Variants in MNAT1 observed in about 807,000 individuals in gnomAD.
The protein encoded by MNAT1 is CDK-activating kinase assembly factor MAT1.
In MNAT1, 43 loss-of-function variants were observed where a neutral mutation model predicts 42.0. The observed-to-expected ratio is 1.02, with a 90% CI of 0.80 to 1.32. MNAT1 has a LOEUF of 1.32. Ranked by LOEUF, MNAT1 falls within the 40% of genes most tolerant of loss-of-function variation. The probability of loss-of-function intolerance (pLI) is 0.00; values close to 1 mark genes in which losing one functional copy is unlikely to be tolerated. For synonymous variants in MNAT1, 118 were observed against 120.0 expected (o/e 0.98, Z 0.11); for missense variants, 306 against 350.4 (o/e 0.87, Z 1.01).
At chr14:60,856,275 G>A (rs1282928673) in intron 6 of MNAT1, among the ~76,000 whole-genome samples, 1 of 152,192 alleles carries the variant, frequency 6.6e-6, no homozygotes, top group African/African-American at 2.4e-5. Context: ...CATGCTCATT[G>A]TTCATATGGA....
chr14:60,804,310 T>G lies in MNAT1; in HGVS notation c.317-4015T>G, dbSNP rs192899727. ...CTTCACGGCTATTGTACCAACCTGA[T>G]TCATTGGGTATGAATGAGACCTGCT... On this transcript the variant is annotated intron_variant, in intron 3 of 7. Transcript: ENST00000261245. 4.5e-4 allele frequency among the ~76,000 whole-genome samples: 69 copies of G among 152,302 alleles called. 1 individual carries two copies. Among genetic ancestry groups the G allele is most frequent in the African/African-American group, 1.6e-3 (68 of 41,568 alleles).
intron 7 of MNAT1, among the ~76,000 whole-genome samples, chr14:60,926,002 G>C (rs1309332124): frequency 3.3e-5 from 5 of 152,102 alleles, no homozygotes; most frequent in Non-Finnish European, 7.4e-5. Context: ...AGTGTAAGAG[G>C]AGATCTTTTG....
At chr14:60,835,316 T>A (rs1403053293) in intron 6 of MNAT1, among the ~76,000 whole-genome samples, 1 of 152,134 alleles carries the variant, frequency 6.6e-6, no homozygotes, top group Non-Finnish European at 1.5e-5. Context: ...ATTTTGCCCG[T>A]TAGTTGAGCA....
chr14:60,911,226 T>A (rs1382524584), intron 7 of MNAT1, among the ~76,000 whole-genome samples: 2 of 152,176 alleles, frequency 1.3e-5, no homozygotes, highest in African/African-American at 2.4e-5. Context: ...TTCTTCTTTA[T>A]TAGTCTTGCT....
chr14:60,750,946 T>G (rs2030064962), intron 1 of MNAT1, among the ~76,000 whole-genome samples: 1 of 152,232 alleles, frequency 6.6e-6, no homozygotes, highest in South Asian at 2.1e-4. Context: ...GCTCTCAGGC[T>G]TAGTATGAAA....
chr14:60,853,614 G>T (rs1425180331), intron 6 of MNAT1, among the ~76,000 whole-genome samples: 3 of 152,166 alleles, frequency 2.0e-5, no homozygotes, highest in African/African-American at 7.2e-5. Context: ...GGGCATCCTT[G>T]TCTTATGCCA....
rs539743872 is a variant in MNAT1, at chr14:60,898,389, A to G, written c.809+18554A>G. On this transcript the variant is annotated intron_variant, in intron 7 of 7. Transcript: ENST00000261245. ...TATACCAATTTGCATTCCCACCAAT[A>G]GAATCCTCTTTTCTCTGTATCCTTA... Among the ~76,000 whole-genome samples, 92 of 152,206 alleles carry G rather than the reference A, an allele frequency of 6.0e-4. 1 individual carries two copies. The highest frequency in any genetic ancestry group is 2.1e-3 in the African/African-American group (89 of 41,534).
chr14:60,949,787 A>T (rs571067261), intron 7 of MNAT1, among the ~76,000 whole-genome samples: 6 of 151,340 alleles, frequency 4.0e-5, no homozygotes, highest in Non-Finnish European at 5.9e-5. Context: ...GGCATAGATT[A>T]TTTTTTTTTC....
intron 6 of MNAT1, among the ~76,000 whole-genome samples, chr14:60,866,857 T>C (rs1220914203): frequency 1.3e-5 from 2 of 152,070 alleles, no homozygotes; most frequent in African/African-American, 4.8e-5. Context: ...TTTTCAAAAT[T>C]GGTTACTTTT....
chr14:60,916,897 G>A (rs1237308239), intron 7 of MNAT1, among the ~76,000 whole-genome samples: 1 of 152,096 alleles, frequency 6.6e-6, no homozygotes. Context: ...GGGTTGCAGT[G>A]AGCTGAAATC....
At chr14:60,859,396 G>T (rs1162460969) in intron 6 of MNAT1, among the ~76,000 whole-genome samples, 2 of 152,032 alleles carry the variant, frequency 1.3e-5, no homozygotes, top group Non-Finnish European at 2.9e-5. Flanking sequence ...CATTACCCAG[G>T]TTTTCTGTGC....
chr14:60,883,976 T>C (rs2034607203), intron 7 of MNAT1, among the ~76,000 whole-genome samples: 1 of 151,420 alleles, frequency 6.6e-6, no homozygotes, highest in African/African-American at 2.5e-5. Flanking sequence ...GTGAAGTCTT[T>C]AGGTTTTTCC....
At position 60,965,114 on chromosome 14, in the gene MNAT1, C is replaced by T. The variant is rs375349806; in HGVS notation, c.810-3115C>T. ...AGCAGGACTCTCAACGACTCATACT[C>T]ACAGACATGTTTAATGTAAATGATT... On this transcript the variant is annotated intron_variant, in intron 7 of 7. Coordinates refer to ENST00000261245, the MANE Select transcript of MNAT1 (RefSeq NM_002431.4). Among the ~76,000 whole-genome samples the T allele has an allele frequency of 2.7e-4, 41 of 152,262 alleles. No homozygotes were observed. In the South Asian group the frequency reaches 6.8e-3, roughly 25 times the overall value.
At chr14:60,823,347 C>G (rs1293099028) in intron 6 of MNAT1, among the ~76,000 whole-genome samples, 1 of 152,060 alleles carries the variant, frequency 6.6e-6, no homozygotes, top group African/African-American at 2.4e-5. Context: ...ATGTGTTGCA[C>G]AGATTTTCTT....
chr14:60,940,910 G>A (rs2036142736), intron 7 of MNAT1, among the ~76,000 whole-genome samples: 2 of 152,108 alleles, frequency 1.3e-5, no homozygotes, highest in Non-Finnish European at 2.9e-5. Context: ...AAGTTAGAGT[G>A]AGATTTGAAC....
chr14:60,735,028 C>G, intron 1 of MNAT1, 77 bp downstream of exon 1: 1 of 1,381,034 alleles, frequency 7.2e-7, no homozygotes, highest in Non-Finnish European at 1.0e-6. Flanking sequence ...TGCTAGGCCT[C>G]GTCTTGGGAG....
At chr14:60,819,388 G>GT (rs1212653905) in intron 6 of MNAT1, among the ~76,000 whole-genome samples, 2,435 of 143,694 alleles carry the variant, frequency 0.017, 46 homozygotes, top group African/African-American at 0.051. Context: ...ACTTTTACAG[G>GT]TTTTTTTTTT....
chr14:60,824,534 G>T (rs946480221), intron 6 of MNAT1, among the ~76,000 whole-genome samples: 2 of 152,160 alleles, frequency 1.3e-5, no homozygotes, highest in Admixed American at 1.3e-4. Flanking sequence ...AACTACCAAA[G>T]TATTTGAATT....
At chr14:60,802,801 T>C (rs1262890490) in intron 3 of MNAT1, among the ~76,000 whole-genome samples, 1 of 152,132 alleles carries the variant, frequency 6.6e-6, no homozygotes, top group Non-Finnish European at 1.5e-5. Context: ...TTTTGTTTTG[T>C]TGGGTGAAGC....
Sources: allele counts gnomAD v4.1 joint callset (sites outside exome capture counted in the v4.1 genomes callset), GRCh38; gene constraint gnomAD v4.1.1; transcripts MANE v1.5; gene names NCBI Gene and HGNC (gene_info 2026-07-23, HGNC 2026-07-21).